Variants in CACNA1C observed in about 807,000 individuals in gnomAD.
CACNA1C encodes voltage-dependent L-type calcium channel subunit alpha-1C.
CACNA1C carries 30 observed loss-of-function variants against 229.0 expected under a neutral mutation model. That is an observed-to-expected ratio of 0.13 (90% CI 0.10 to 0.18). The LOEUF (loss-of-function observed/expected upper bound fraction) is 0.18. Among genes scored for constraint, CACNA1C ranks in the 10% least tolerant of loss-of-function variants. The probability of loss-of-function intolerance (pLI) is 1.00; values close to 1 mark genes in which losing one functional copy is unlikely to be tolerated. For synonymous variants in CACNA1C, 1,114 were observed against 1,132.5 expected (o/e 0.98, Z 0.33); for missense variants, 1,658 against 2,845.0 (o/e 0.58, Z 9.49).
rs577475943 is a variant in CACNA1C, at chr12:2,141,703, C to T, written c.477+21273C>T. On this transcript the variant is annotated intron_variant, in intron 3 of 46. Transcript: ENST00000399655. ...GCCCATGCAGCAGGCCACTCCTTAGCGCCTCTGGCCCTGGGTAGACTTTGG... is the reference window on the plus strand; with the variant it reads ...GCCCATGCAGCAGGCCACTCCTTAGTGCCTCTGGCCCTGGGTAGACTTTGG... Among the ~76,000 whole-genome samples, 16 of 151,498 alleles carry T rather than the reference C, an allele frequency of 1.1e-4. No homozygotes were observed. In the South Asian group the frequency reaches 1.3e-3, roughly 12 times the overall value.
intron 4 of CACNA1C, among the ~76,000 whole-genome samples, chr12:2,453,286 C>A (rs897780703): frequency 6.6e-6 from 1 of 152,138 alleles, no homozygotes; most frequent in Non-Finnish European, 1.5e-5. Flanking sequence ...CTGGCTAATC[C>A]CCCAGCTGCA....
intron 1 of CACNA1C, among the ~76,000 whole-genome samples, chr12:1,980,946 C>T (rs984782036): frequency 1.3e-5 from 2 of 151,852 alleles, no homozygotes; most frequent in African/African-American, 2.4e-5. Context: ...AGGAGACATC[C>T]ATAACAGTGC....
At chr12:2,549,535 G>A (rs939619701) in intron 9 of CACNA1C, among the ~76,000 whole-genome samples, 2 of 152,138 alleles carry the variant, frequency 1.3e-5, no homozygotes, top group Admixed American at 1.3e-4. Context: ...ATGGTGGGTG[G>A]GATGAAGTAA....
At chr12:2,157,344 C>T (rs116409337) in intron 3 of CACNA1C, among the ~76,000 whole-genome samples, 2,077 of 152,312 alleles carry the variant, frequency 0.014, 38 homozygotes, top group African/African-American at 0.046. Flanking sequence ...TAATACTCTT[C>T]CCATTTCAGC....
At chr12:2,178,388 C>G (rs1042641362) in intron 3 of CACNA1C, among the ~76,000 whole-genome samples, 5 of 152,182 alleles carry the variant, frequency 3.3e-5, no homozygotes, top group Non-Finnish European at 5.9e-5. Context: ...TTGCTTTTTG[C>G]ATGGGATGAA....
In CACNA1C at chr12:2,647,347, C is replaced by T. The variant is rs527533944; in HGVS notation, c.3913-1128C>T. ...TTCCCAGATCCAGGCTCCAGGAACT[C>T]GGGGAGAGGGCTGGCCCTGGGATAC... On this transcript the variant is annotated intron_variant, in intron 30 of 46. Coordinates refer to ENST00000399655, the MANE Select transcript of CACNA1C (RefSeq NM_000719.7). The surrounding 1 kb of genome is among the most constrained non-coding windows in gnomAD (Gnocchi z 4.2). Among the ~76,000 whole-genome samples the T allele has an allele frequency of 1.3e-5, 2 of 152,308 alleles. No homozygotes were observed. Among genetic ancestry groups the T allele is most frequent in the East Asian group, 1.9e-4 (1 of 5,176 alleles).
At chr12:2,447,762 C>G (rs2099313151) in intron 3 of CACNA1C, among the ~76,000 whole-genome samples, 1 of 152,228 alleles carries the variant, frequency 6.6e-6, no homozygotes, top group Non-Finnish European at 1.5e-5. Flanking sequence ...GGCAACATCC[C>G]TCCTCCAGAA....
intron 29 of CACNA1C, among the ~76,000 whole-genome samples, 175 bp from the exon 30 acceptor site, chr12:2,634,122 G>A (rs1209531166): frequency 6.6e-6 from 1 of 151,800 alleles, no homozygotes; most frequent in Non-Finnish European, 1.5e-5. Flanking sequence ...AGAGTGGTAA[G>A]AGAGTGTTTA....
intron 1 of CACNA1C, among the ~76,000 whole-genome samples, chr12:2,087,734 A>G (rs2068264238): frequency 6.6e-6 from 1 of 152,244 alleles, no homozygotes. Context: ...AAGGCTTTGC[A>G]GTGACCTGCT....
chr12:2,168,024 G>A (rs2096311305), intron 3 of CACNA1C, among the ~76,000 whole-genome samples: 1 of 152,160 alleles, frequency 6.6e-6, no homozygotes, highest in African/African-American at 2.4e-5. Flanking sequence ...CTCCCACAAT[G>A]GATATTTCAA....
At chr12:2,090,937 G>C (rs2154077039) in intron 1 of CACNA1C, among the ~76,000 whole-genome samples, 1 of 152,260 alleles carries the variant, frequency 6.6e-6, no homozygotes, top group African/African-American at 2.4e-5. Flanking sequence ...CATCCTAATG[G>C]GTGTGAAGTG....
intron 13 of CACNA1C, among the ~76,000 whole-genome samples, chr12:2,572,543 T>C (rs184663915): frequency 1.0e-3 from 20 of 19,690 alleles, no homozygotes; most frequent in Admixed American, 2.6e-3. Flanking sequence ...TCTTCCTCCT[T>C]CTCCCCTCCT....
At chr12:2,400,047 C>T (rs964833579) in intron 3 of CACNA1C, among the ~76,000 whole-genome samples, 1 of 152,160 alleles carries the variant, frequency 6.6e-6, no homozygotes, top group African/African-American at 2.4e-5. Flanking sequence ...GAGGTGAAAG[C>T]AAGGGGGGTG....
At chr12:2,075,449 G>A (rs2062848232) in intron 1 of CACNA1C, among the ~76,000 whole-genome samples, 1 of 152,136 alleles carries the variant, frequency 6.6e-6, no homozygotes, top group African/African-American at 2.4e-5. Flanking sequence ...GAAACCTGAC[G>A]TTCCCAGGGC....
intron 1 of CACNA1C, among the ~76,000 whole-genome samples, chr12:2,019,718 A>G (rs2046103442): frequency 6.6e-6 from 1 of 152,190 alleles, no homozygotes; most frequent in Non-Finnish European, 1.5e-5. Flanking sequence ...ATTTGCTCAC[A>G]GATTGATTTA....
At chr12:2,547,616 G>A (rs149218931) in intron 9 of CACNA1C, 14 of 734,212 alleles carry the variant, frequency 1.9e-5, no homozygotes, top group African/African-American at 1.5e-4. Flanking sequence ...TTGTGCCGCA[G>A]TAGTTCTGTG....
intron 3 of CACNA1C, among the ~76,000 whole-genome samples, chr12:2,310,352 A>AAAAATATAT (rs201363709): frequency 9.3e-5 from 13 of 139,842 alleles, no homozygotes; most frequent in Admixed American, 3.6e-4. Flanking sequence ...TAAAAAAAAA[A>AAAAATATAT]ATATATATAT....
At position 2,004,355 on chromosome 12, in the gene CACNA1C, G is replaced by C. The variant is rs748848631; in HGVS notation, c.139+33154G>C. On this transcript the variant is annotated intron_variant, in intron 1 of 46. Coordinates refer to the CACNA1C transcript ENST00000682462. ...CACGTCCACGATGCGGTTGATATAG[G>C]GGTCGTGGCGCTGCAGGGCCGCTAG... 3.1e-6 allele frequency: 5 copies of C among 1,613,190 alleles called. No homozygotes were observed. In the African/African-American group the frequency reaches 6.7e-5, roughly 22 times the overall value.
chr12:2,320,516 C>G (rs895529965), intron 3 of CACNA1C, among the ~76,000 whole-genome samples: 2 of 152,196 alleles, frequency 1.3e-5, no homozygotes, highest in Non-Finnish European at 2.9e-5. Flanking sequence ...ATTAATCACC[C>G]TCTGCCCCCG....
Sources: gnomAD v4.1 joint callset for allele counts (sites outside exome capture counted in the v4.1 genomes callset) on GRCh38, gnomAD v4.1.1 for gene constraint, Gnocchi (gnomAD v3.1) non-coding constraint, MANE v1.5 for transcripts, NCBI Gene and HGNC (gene_info 2026-07-23, HGNC 2026-07-21) for gene names.